Variants in APP observed in about 807,000 individuals in gnomAD.
APP encodes amyloid beta precursor protein, also known as amyloid-beta precursor protein.
In APP, 31 loss-of-function variants were observed where a neutral mutation model predicts 101.4. The ratio of observed to expected loss-of-function variants is 0.31; its 90% CI spans 0.23 to 0.41. The LOEUF (loss-of-function observed/expected upper bound fraction) is 0.41, where lower values mean the gene tolerates loss of function less well. Ranked by LOEUF, APP falls within the 10% of genes least tolerant of loss-of-function variation. APP has a pLI of 1.00. For missense variants in APP, 839 were observed against 1,003.7 expected (o/e 0.84, Z 2.22); for synonymous variants, 366 against 364.4 (o/e 1.00, Z -0.05).
At chr21:25,983,389 G>C (rs2042514513) in intron 8 of APP, among the ~76,000 whole-genome samples, 1 of 152,128 alleles carries the variant, frequency 6.6e-6, no homozygotes, top group Non-Finnish European at 1.5e-5. Flanking sequence ...TCATTCAAAA[G>C]GTTATTCAAA....
At chr21:25,884,476 A>T (rs572073980) in intron 17 of APP, among the ~76,000 whole-genome samples, 5 of 152,350 alleles carry the variant, frequency 3.3e-5, no homozygotes, top group African/African-American at 9.6e-5. Context: ...GTTGTCAACA[A>T]ATGAGGTCAC....
chr21:26,156,300 G>T (rs1569042745), intron 1 of APP, among the ~76,000 whole-genome samples: 1 of 152,006 alleles, frequency 6.6e-6, no homozygotes, highest in African/African-American at 2.4e-5. Flanking sequence ...ACTAATTTTT[G>T]CAATCTGTAT....
chr21:25,950,420 G>A (rs1027559299), intron 13 of APP, among the ~76,000 whole-genome samples: 3 of 137,786 alleles, frequency 2.2e-5, no homozygotes, highest in Admixed American at 8.0e-5. Context: ...TGCTCTTGAC[G>A]CCCAGGCTGG....
At chr21:26,006,205 G>T (rs1023987497) in intron 6 of APP, among the ~76,000 whole-genome samples, 1 of 152,102 alleles carries the variant, frequency 6.6e-6, no homozygotes, top group Admixed American at 6.6e-5. Context: ...AGAAACATAG[G>T]CAAAGACTTA....
At chr21:26,090,214 C>CT in intron 2 of APP, 142 bp from the exon 3 acceptor site, 1 of 1,296,010 alleles carries the variant, frequency 7.7e-7, no homozygotes, top group Non-Finnish European at 1.1e-6. Flanking sequence ...TTCAAGGTCT[C>CT]TGACTTTTTC....
Position 25,960,364 on chromosome 21 carries a change from C to T in APP, c.1459-4609G>A, listed in dbSNP as rs537548288. On this transcript the variant is annotated intron_variant, in intron 11 of 17. Coordinates refer to ENST00000346798, the MANE Select transcript of APP (RefSeq NM_000484.4). ...CCTGCAGACCTCCAGTAAACTTGTT[C>T]TTGGAGGCCTGTAGAGTTTCTTCAG... Among the ~76,000 whole-genome samples, 17 of 152,114 alleles carry T rather than the reference C, an allele frequency of 1.1e-4. No homozygotes were observed. The East Asian group carries it at 3.1e-3, about 28-fold the overall frequency.
intron 14 of APP, among the ~76,000 whole-genome samples, chr21:25,909,131 C>T (rs768109406): frequency 3.3e-5 from 5 of 151,850 alleles, no homozygotes; most frequent in South Asian, 2.1e-4. Flanking sequence ...GGCGTGGTGG[C>T]GGGTACCTAT....
chr21:26,053,452 T>C, intron 3 of APP, 104 bp from the exon 4 acceptor site: 1 of 846,372 alleles, frequency 1.2e-6, no homozygotes, highest in South Asian at 1.4e-5. Flanking sequence ...TTAAACAGCC[T>C]TTTAATGCCT....
At position 26,053,304 on chromosome 21, in the gene APP, T is replaced by C. The variant is rs1224230940; in HGVS notation, c.400A>G (p.Lys134Glu). 6.2e-7 allele frequency: 1 copy of C among 1,613,952 alleles called. No individual in the cohort carries two copies. The highest frequency in any genetic ancestry group is 8.5e-7 in the Non-Finnish European group (1 of 1,179,872). ...TCCATCCTCTCCTGGTGTAAGAATT[T>C]GCACTTGTCAGGAACGAGAAGGGCA... ...SDALLVPDKCKFLHQERMDVC... is the reference protein window; with the variant it reads ...SDALLVPDKCEFLHQERMDVC... Residue 134 changes from lysine (K) to glutamate (E), a missense_variant, in exon 4 of 18, where the codon AAA becomes GAA. By Grantham distance (56) the Lys-to-Glu change is moderately conservative. Coordinates refer to ENST00000346798, the MANE Select transcript of APP (RefSeq NM_000484.4).
chr21:25,988,702 C>CAAAAAAAAAAAAAA lies in APP; in HGVS notation c.1091-6239_1091-6226dup, dbSNP rs537417600. 3.9e-3 allele frequency among the ~76,000 whole-genome samples: 243 copies of CAAAAAAAAAAAAAA among 62,296 alleles called. 15 individuals are homozygous for CAAAAAAAAAAAAAA. The highest frequency in any genetic ancestry group is 0.028 in the East Asian group (51 of 1,846). The allele number at this position is 62,296 out of a possible 152,430, so 40.9% of individuals were successfully genotyped here. A position where few individuals can be genotyped will look rare whatever the true frequency, so the allele number is the denominator to read the frequency against. On this transcript the variant is annotated intron_variant, in intron 8 of 17. Transcript: ENST00000346798. Reference sequence around the variant, plus strand: ...GGGTGATAACAGCGAAACTCTGTCTCAAAAAAAAAAAAAAAAAAAAAGGAG... The same window carrying CAAAAAAAAAAAAAA: ...GGGTGATAACAGCGAAACTCTGTCTCAAAAAAAAAAAAAAAAAAAAAAAAAAAAAAAAAAAGGAG...
intron 5 of APP, among the ~76,000 whole-genome samples, chr21:26,046,451 C>T (rs1019240042): frequency 4.0e-5 from 6 of 151,064 alleles, no homozygotes; most frequent in Non-Finnish European, 5.9e-5. Context: ...AAAAACTCTT[C>T]CAAGTTATAC....
At chr21:25,917,855 T>A (rs1445052011) in intron 13 of APP, among the ~76,000 whole-genome samples, 4 of 146,984 alleles carry the variant, frequency 2.7e-5, no homozygotes, top group Non-Finnish European at 4.5e-5. Flanking sequence ...CATCAAAAAG[T>A]GGGCAAAGGA....
At chr21:25,926,006 CATGAG>C (rs913138439) in intron 13 of APP, among the ~76,000 whole-genome samples, 2 of 152,170 alleles carry the variant, frequency 1.3e-5, no homozygotes, top group Admixed American at 6.5e-5. Context: ...CAAAGCAAGG[CATGAG>C]ATGAGTGTGA....
intron 1 of APP, among the ~76,000 whole-genome samples, chr21:26,167,259 G>A (rs2063637792): frequency 6.6e-6 from 1 of 152,202 alleles, no homozygotes; most frequent in African/African-American, 2.4e-5. Flanking sequence ...GGAGTAAGGG[G>A]AGGGAGGAGG....
rs1569044946 is a variant in APP at position 25,911,965 on chromosome 21, A to AT, written c.1688-4_1688-3insA. 6.2e-7 allele frequency: 1 copy of AT among 1,605,374 alleles called. No homozygotes were observed. The highest frequency in any genetic ancestry group is 2.2e-5 in the East Asian group (1 of 44,852). On this transcript the variant is annotated splice_region_variant and splice_polypyrimidine_tract_variant and intron_variant, in intron 13 of 17. Transcript: ENST00000346798. ...TTGCTCTTTCTGAAGCAGCTCATCT[A>AT]AACCAAACAAAACCATCTCTTTGGT... is the stretch of plus-strand genomic sequence containing the variant.
At chr21:26,095,013 T>G (rs1337073884) in intron 2 of APP, among the ~76,000 whole-genome samples, 1 of 152,128 alleles carries the variant, frequency 6.6e-6, no homozygotes, top group Non-Finnish European at 1.5e-5. Context: ...ACCCGGCTAA[T>G]TTTTGTATTT....
chr21:25,899,830 TTTCTC>T (rs1331724187), intron 15 of APP, among the ~76,000 whole-genome samples: 1 of 152,222 alleles, frequency 6.6e-6, no homozygotes, highest in African/African-American at 2.4e-5. Context: ...AGGGCTTTCT[TTTCTC>T]ATGTTGATCT....
At chr21:25,976,108 T>G (rs2146576055) in intron 9 of APP, 80 bp from the exon 10 acceptor site, 1 of 1,214,032 alleles carries the variant, frequency 8.2e-7, no homozygotes, top group Non-Finnish European at 1.2e-6. Flanking sequence ...GATGATTATG[T>G]TTTTCCTCTA....
At chr21:25,990,089 TA>T (rs2042801155) in intron 8 of APP, among the ~76,000 whole-genome samples, 1 of 145,194 alleles carries the variant, frequency 6.9e-6, no homozygotes, top group African/African-American at 2.7e-5. Flanking sequence ...CAGACTCTCT[TA>T]AAAACAAAAT....
Sources: allele counts gnomAD v4.1 joint callset (sites outside exome capture counted in the v4.1 genomes callset), GRCh38; gene constraint gnomAD v4.1.1; transcripts MANE v1.5; gene names NCBI Gene and HGNC (gene_info 2026-07-23, HGNC 2026-07-21).